Variants in BAIAP3 observed in about 807,000 individuals in gnomAD.
BAIAP3 encodes BAI1 associated protein 3.
Under a neutral mutation model 149.7 loss-of-function variants are expected in BAIAP3, and 180 were observed. The ratio of observed to expected loss-of-function variants is 1.20; its 90% confidence interval spans 1.07 to 1.36. The LOEUF is 1.36. BAIAP3 is among the 40% of genes most tolerant of loss of function. The probability of loss-of-function intolerance (pLI) is 0.00; values close to 1 mark genes in which losing one functional copy is unlikely to be tolerated. For missense variants in BAIAP3, 1,767 were observed against 1,563.4 expected (o/e 1.13, Z -2.20); for synonymous variants, 845 against 670.7 (o/e 1.26, Z -4.02).
chr16:1,342,631 G>A lies in BAIAP3; in HGVS notation c.1062G>A (p.Thr354=), dbSNP rs146826887. The A allele has an allele frequency of 1.6e-4, 254 of 1,586,602 alleles. No individual in the cohort carries two copies. The Admixed American group carries it at 1.7e-3, about 10-fold the overall frequency. ...HCHLVLKLIT[T]QRDTAMSQRG... ...ACCTGGTTCTCAAGCTGATCACTAC[G>A]CAGGTGGGGAAAGTGGGCGTCCCCG... The change falls in exon 12 of 34, where the codon ACG becomes ACA. Residue 354 remains threonine, a synonymous_variant. Transcript: ENST00000426824.
chr16:1,343,639 T>G (rs915734211), intron 15 of BAIAP3, 126 bp downstream of exon 15: 1 of 1,401,292 alleles, frequency 7.1e-7, no homozygotes, highest in South Asian at 1.4e-5. Flanking sequence ...ATGGACAAAC[T>G]GTATGACGTG....
At position 1,341,319 on chromosome 16, in the gene BAIAP3, G is replaced by A; in HGVS notation, c.561G>A (p.Leu187=). ...PNGFSDPYCM[L]GILPASDATR... is the part of the protein sequence containing the mutation. ...GCTTCAGCGACCCATACTGCATGCT[G>A]GGCATCCTGCCTGCCTCGGACGCCA... The change falls in exon 8 of 34, where the codon CTG becomes CTA. Residue 187 remains leucine (L), a synonymous_variant. Transcript: ENST00000426824. 1 of 1,611,348 alleles carries A rather than the reference G, an allele frequency of 6.2e-7. No individual in the cohort carries two copies. The highest frequency in any genetic ancestry group is 8.5e-7 in the Non-Finnish European group (1 of 1,179,304).
At chr16:1,339,471 G>A (rs773418345) in intron 4 of BAIAP3, 25 bp from the exon 5 acceptor site, 84 of 1,594,270 alleles carry the variant, frequency 5.3e-5, no homozygotes, top group Non-Finnish European at 3.2e-5. Flanking sequence ...ACGCGGCACT[G>A]TGGCCGCCCT....
At chr16:1,342,837 G>GAA (rs760492348) in intron 13 of BAIAP3, 23 bp downstream of exon 13, 88 of 1,612,414 alleles carry the variant, frequency 5.5e-5, no homozygotes, top group Non-Finnish European at 7.4e-5. Flanking sequence ...CCTAGGATTG[G>GAA]AACAGCCCGG....
rs1215046423 is a variant in BAIAP3 at position 1,344,533 on chromosome 16, TG to T, written c.1659+9del. The T allele has an allele frequency of 1.2e-6, 2 of 1,612,798 alleles. No homozygotes were observed. The highest frequency in any genetic ancestry group is 1.7e-6 in the Non-Finnish European group (2 of 1,179,892). ...AAGAGTCCCCGAGAGCAGGTGCAGT[TG>T]TGGGGGACCCTGGCCATGAGGGGTA... On this transcript the variant is annotated intron_variant, in intron 18 of 33. Transcript: ENST00000426824.
chr16:1,336,122 C>T (rs2033435965), intron 1 of BAIAP3: 8 of 761,896 alleles, frequency 1.1e-5, no homozygotes, highest in South Asian at 5.9e-5. Flanking sequence ...TCCAGGACTG[C>T]GAGCCCCCAT....
intron 5 of BAIAP3, among the ~76,000 whole-genome samples, chr16:1,340,406 G>GCA (rs2033837555): frequency 3.6e-5 from 2 of 55,994 alleles, no homozygotes; most frequent in Admixed American, 2.4e-4. Flanking sequence ...GCACACAGAT[G>GCA]CACGCACATA....
intron 1 of BAIAP3, chr16:1,336,217 G>T: frequency 1.0e-6 from 1 of 985,342 alleles, no homozygotes; most frequent in African/African-American, 1.7e-5. Context: ...GGGGACAGCA[G>T]GGGGAGCAGC....
intron 1 of BAIAP3, chr16:1,336,151 A>ATGCCATG: frequency 1.1e-6 from 1 of 949,692 alleles, no homozygotes; most frequent in Non-Finnish European, 1.3e-6. Flanking sequence ...TCACACGCAC[A>ATGCCATG]TGCCGCGGCG....
At chr16:1,337,941 G>A (rs540553409) in intron 1 of BAIAP3, among the ~76,000 whole-genome samples, 8 of 152,288 alleles carry the variant, frequency 5.3e-5, no homozygotes, top group African/African-American at 1.9e-4. Flanking sequence ...ATTGACCCCC[G>A]CTGTGCTTGG....
rs988397739 is a variant in BAIAP3 at position 1,338,832 on chromosome 16, C to T, written c.132-70C>T. ...TGGATGTCACATGGCCCTTCCTGCC[C>T]CTGGAGTCGAGGGTCCCAGGCAGGG... On this transcript the variant is annotated intron_variant, in intron 2 of 33. Transcript: ENST00000426824. 2.7e-5 allele frequency: 43 copies of T among 1,598,038 alleles called. No homozygotes were observed. In the South Asian group the frequency reaches 3.1e-4, roughly 12 times the overall value.
At chr16:1,341,244 T>A in intron 7 of BAIAP3, 49 bp downstream of exon 7, 1 of 1,606,550 alleles carries the variant, frequency 6.2e-7, no homozygotes, top group Non-Finnish European at 8.5e-7. Context: ...CTGGCGGCCA[T>A]GGAGGGCCAG....
At chr16:1,347,266 C>T in intron 28 of BAIAP3, 32 bp from the exon 29 acceptor site, 1 of 1,606,804 alleles carries the variant, frequency 6.2e-7, no homozygotes, top group Non-Finnish European at 8.5e-7. Flanking sequence ...AGCCAGGCTC[C>T]CTGACACCTC....
intron 1 of BAIAP3, chr16:1,334,866 C>A (rs1326289758): frequency 4.7e-6 from 5 of 1,052,992 alleles, no homozygotes; most frequent in African/African-American, 1.6e-5. Flanking sequence ...AAGAGGGCAG[C>A]GTGGAGAGCC....
rs1162526954 is a variant in BAIAP3 at position 1,346,036 on chromosome 16, G to A, written c.2259G>A (p.Val753=). 1 of 1,611,752 alleles carries A rather than the reference G, an allele frequency of 6.2e-7. No homozygotes were observed. The highest frequency in any genetic ancestry group is 8.5e-7 in the Non-Finnish European group (1 of 1,179,604). The change falls in exon 24 of 34, where the codon GTG becomes GTA. Residue 753 remains valine (V), a synonymous_variant. Transcript: ENST00000426824. ...ATACGGAGCTGCTTCGGAAGAAGGTGGACACTCAGCCAGGGGCGGCCGGTG... is the reference window on the plus strand; with the variant it reads ...ATACGGAGCTGCTTCGGAAGAAGGTAGACACTCAGCCAGGGGCGGCCGGTG... ...LFYTELLRKK[V]DTQPGAAGEA... is the part of the protein sequence containing the mutation.
Position 1,349,092 on chromosome 16 carries a change from G to A in BAIAP3, c.*610G>A. The A allele has an allele frequency of 8.2e-6, 3 of 364,536 alleles. No individual in the cohort carries two copies. Among genetic ancestry groups the A allele is most frequent in the Non-Finnish European group, 1.5e-5 (3 of 194,034 alleles). 22.6% of individuals were successfully genotyped at this position (364,536 alleles called of 1,614,324 possible). ...ACGTCACCCAAGGCTGGTGGTCAGT[G>A]TGAAGGGCTCCGTGCCAACTGGTCA... On this transcript the variant is annotated 3_prime_UTR_variant, in exon 34 of 34. Transcript: ENST00000426824.
intron 1 of BAIAP3, among the ~76,000 whole-genome samples, chr16:1,335,966 T>G (rs1390071041): frequency 6.6e-6 from 1 of 152,138 alleles, no homozygotes; most frequent in Non-Finnish European, 1.5e-5. Context: ...CTCGGGCCGC[T>G]CTGGGGATGA....
At chr16:1,338,405 C>T in intron 1 of BAIAP3, 135 bp from the exon 2 acceptor site, 5 of 1,185,658 alleles carry the variant, frequency 4.2e-6, no homozygotes, top group Non-Finnish European at 5.8e-6. Context: ...GTGCCCAGCG[C>T]CATCCAGGCT....
chr16:1,344,790 C>A lies in BAIAP3; in HGVS notation c.1758-8C>A, dbSNP rs746944237. 1.5e-5 allele frequency: 24 copies of A among 1,613,720 alleles called. No homozygotes were observed. The highest frequency in any genetic ancestry group is 1.9e-5 in the Non-Finnish European group (22 of 1,180,022). Reference sequence around the variant, plus strand: ...GCAGGTGGATGAGGTGTGTCCCTTGCTCTGCAGCATCCTCAATGTGGACGT... The same window carrying A: ...GCAGGTGGATGAGGTGTGTCCCTTGATCTGCAGCATCCTCAATGTGGACGT... On this transcript the variant is annotated splice_polypyrimidine_tract_variant and splice_region_variant and intron_variant, in intron 19 of 33. Transcript: ENST00000426824.
Sources: allele counts gnomAD v4.1 joint callset (sites outside exome capture counted in the v4.1 genomes callset), GRCh38; gene constraint gnomAD v4.1.1; transcripts MANE v1.5; gene names NCBI Gene and HGNC (gene_info 2026-07-23, HGNC 2026-07-21).